Variants in RGS22 observed in about 807,000 individuals in gnomAD.
The protein encoded by RGS22 is regulator of G-protein signaling 22.
In RGS22, 148 loss-of-function variants were observed where a neutral mutation model predicts 172.9. The ratio of observed to expected loss-of-function variants is 0.86; its 90% CI spans 0.75 to 0.98. RGS22 has a LOEUF of 0.98. Among genes scored for constraint, RGS22 ranks in the 50% least tolerant of loss-of-function variants. The pLI is 0.00. For missense variants in RGS22, 1,347 were observed against 1,440.8 expected, an observed-to-expected ratio of 0.93 and a Z score of 1.05; for synonymous variants, 458 against 480.2, an observed-to-expected ratio of 0.95 and a Z score of 0.60.
chr8:99,977,692 G>A (rs548305694), intron 23 of RGS22, among the ~76,000 whole-genome samples: 30 of 152,206 alleles, frequency 2.0e-4, no homozygotes, highest in African/African-American at 6.0e-4. Flanking sequence ...AGCTGCTTGC[G>A]TTGCCACAGA....
chr8:99,980,616 A>T (rs1392819346), intron 22 of RGS22, among the ~76,000 whole-genome samples: 1 of 152,110 alleles, frequency 6.6e-6, no homozygotes, highest in African/African-American at 2.4e-5. Context: ...CTAAATAAAG[A>T]TTATTTATTT....
chr8:100,095,001 A>G (rs1812854973), intron 2 of RGS22, among the ~76,000 whole-genome samples: 1 of 152,198 alleles, frequency 6.6e-6, no homozygotes, highest in Non-Finnish European at 1.5e-5. Context: ...TATACATTTC[A>G]TTTTTAATTT....
chr8:100,105,840 G>C, intron 1 of RGS22, 57 bp downstream of exon 1: 2 of 1,419,960 alleles, frequency 1.4e-6, no homozygotes, highest in Admixed American at 4.8e-5. Context: ...AGGCTGGCGC[G>C]TGGTGCGGCC....
chr8:100,067,224 A>G (rs951857540), intron 6 of RGS22, among the ~76,000 whole-genome samples: 1 of 152,188 alleles, frequency 6.6e-6, no homozygotes. Flanking sequence ...CAGAATTAAC[A>G]TAGCAAGTCA....
intron 10 of RGS22, chr8:100,050,775 C>G (rs1821193503): frequency 6.6e-6 from 1 of 151,990 alleles, no homozygotes; most frequent in Non-Finnish European, 1.5e-5. Context: ...GTACTGTTTT[C>G]CCCATTTGAA....
intron 2 of RGS22, among the ~76,000 whole-genome samples, chr8:100,095,986 C>T (rs1812936995): frequency 2.0e-5 from 3 of 152,340 alleles, no homozygotes; most frequent in South Asian, 4.1e-4. Flanking sequence ...GCTTGTCCTT[C>T]TCTTAGTAAA....
intron 23 of RGS22, among the ~76,000 whole-genome samples, chr8:99,967,336 T>G (rs913559520): frequency 2.6e-5 from 4 of 151,748 alleles, no homozygotes; most frequent in African/African-American, 7.3e-5. Flanking sequence ...GGAGTTTGTT[T>G]TTTTTTTTTG....
chr8:100,029,374 T>C (rs899279626), intron 14 of RGS22, among the ~76,000 whole-genome samples: 4 of 152,086 alleles, frequency 2.6e-5, no homozygotes. Flanking sequence ...CTACAAACTA[T>C]AACACGTTTA....
At chr8:100,025,003 T>TGTAA (rs1554618289) in intron 14 of RGS22, among the ~76,000 whole-genome samples, 1 of 147,250 alleles carries the variant, frequency 6.8e-6, no homozygotes, top group Non-Finnish European at 1.5e-5. Flanking sequence ...AAAGAGGATC[T>TGTAA]ATAAATAAAT....
At chr8:100,038,600 G>T in intron 14 of RGS22, 1 of 181,906 alleles carries the variant, frequency 5.5e-6, no homozygotes, top group Non-Finnish European at 1.1e-5. Context: ...TTCATTACAT[G>T]TCCATTCTCG....
intron 4 of RGS22, among the ~76,000 whole-genome samples, chr8:100,072,945 T>G (rs925720583): frequency 1.3e-5 from 2 of 152,106 alleles, no homozygotes; most frequent in African/African-American, 4.8e-5. Context: ...GTAGAAAGGG[T>G]CATGATTGCA....
At chr8:99,977,890 T>C (rs757137635) in intron 23 of RGS22, 27 bp downstream of exon 23, 1 of 1,539,834 alleles carries the variant, frequency 6.5e-7, no homozygotes, top group Non-Finnish European at 8.7e-7. Flanking sequence ...AAAAGTCTGA[T>C]AAAACCCAAA....
intron 27 of RGS22, among the ~76,000 whole-genome samples, chr8:99,961,670 A>C (rs1810211758): frequency 6.6e-6 from 1 of 152,170 alleles, no homozygotes; most frequent in Non-Finnish European, 1.5e-5. Context: ...TACAGTTGTC[A>C]TAAGGATCAA....
intron 6 of RGS22, among the ~76,000 whole-genome samples, chr8:100,067,621 A>G: frequency 8.0e-6 from 1 of 124,496 alleles, no homozygotes; most frequent in East Asian, 2.3e-4. Flanking sequence ...CACTTTATAC[A>G]TTTTTTTTTT....
rs1220151051 is a variant in RGS22 at position 99,987,455 on chromosome 8, T to A, written c.3180+3A>T. The A allele has an allele frequency of 6.3e-7, 1 of 1,596,766 alleles. No individual in the cohort carries two copies. The highest frequency in any genetic ancestry group is 1.7e-5 in the Admixed American group (1 of 58,800). On this transcript the variant is annotated splice_donor_region_variant and intron_variant, in intron 21 of 27. Coordinates refer to ENST00000360863, the MANE Select transcript of RGS22 (RefSeq NM_015668.5). ...TGGTTTTCTCTAGCTCCCAATACAA[T>A]ACCTTATATTTTTGTACTTCTTGCC...
intron 3 of RGS22, among the ~76,000 whole-genome samples, chr8:100,090,447 T>C (rs137927220): frequency 5.6e-4 from 86 of 152,224 alleles, no homozygotes; most frequent in Non-Finnish European, 6.0e-4. Context: ...AAAGATTAAG[T>C]TGAAGCCAAA....
At chr8:99,991,324 A>G (rs1813693831) in intron 20 of RGS22, among the ~76,000 whole-genome samples, 1 of 152,234 alleles carries the variant, frequency 6.6e-6, no homozygotes, top group African/African-American at 2.4e-5. Context: ...TCTCTGAGCT[A>G]AAGGAGGATG....
intron 13 of RGS22, among the ~76,000 whole-genome samples, chr8:100,039,698 G>GT (rs1311213758): frequency 6.6e-6 from 1 of 151,876 alleles, no homozygotes; most frequent in Admixed American, 6.6e-5. Context: ...TTGAGCAAAA[G>GT]TAAGACTGAT....
intron 20 of RGS22, among the ~76,000 whole-genome samples, chr8:99,994,493 G>A (rs191225210): frequency 3.3e-4 from 50 of 152,104 alleles, no homozygotes; most frequent in Admixed American, 5.2e-4. Context: ...GCACCAAATC[G>A]TGAGTGAATT....
Sources: gnomAD v4.1 joint callset for allele counts (sites outside exome capture counted in the v4.1 genomes callset) on GRCh38, gnomAD v4.1.1 for gene constraint, MANE v1.5 for transcripts, NCBI Gene and HGNC (gene_info 2026-07-23, HGNC 2026-07-21) for gene names.